Variants in USP32 observed in about 807,000 individuals in gnomAD.
USP32 encodes the protein ubiquitin specific peptidase 32, also known as ubiquitin carboxyl-terminal hydrolase 32.
USP32 carries 59 observed loss-of-function variants against 204.8 expected under a neutral mutation model. The observed-to-expected ratio is 0.29, with a 90% CI of 0.23 to 0.36. The LOEUF (loss-of-function observed/expected upper bound fraction) is 0.36, where lower values mean the gene tolerates loss of function less well. Ranked by LOEUF, USP32 falls within the 10% of genes least tolerant of loss-of-function variation. The pLI is 1.00. For synonymous variants in USP32, 517 were observed against 678.4 expected (o/e 0.76, Z 3.70); for missense variants, 1,160 against 1,946.4 (o/e 0.60, Z 7.60).
chr17:60,238,568 C>T (rs1321507088), intron 11 of USP32, among the ~76,000 whole-genome samples: 1 of 151,684 alleles, frequency 6.6e-6, no homozygotes, highest in African/African-American at 2.4e-5. Context: ...TTTGGGAGAC[C>T]GAGGCAGGCA....
intron 5 of USP32, among the ~76,000 whole-genome samples, chr17:60,281,410 C>T (rs930628035): frequency 2.6e-4 from 39 of 151,976 alleles, no homozygotes; most frequent in Admixed American, 2.6e-3. Flanking sequence ...CGGTAGCAGG[C>T]GCCTGTAATC....
rs1289689455 is a variant in USP32 at position 60,349,611 on chromosome 17, ATATATATATATAT to A, written c.59-4016_59-4004del. Among the ~76,000 whole-genome samples, 402 of 70,892 alleles carry A rather than the reference ATATATATATATAT, an allele frequency of 5.7e-3. 1 individual carries two copies. Among genetic ancestry groups the A allele is most frequent in the African/African-American group, 0.034 (287 of 8,396 alleles). 46.5% of individuals were successfully genotyped at this position (70,892 alleles called of 152,430 possible). A position where few individuals can be genotyped will look rare whatever the true frequency, so the allele number is the denominator to read the frequency against. On this transcript the variant is annotated intron_variant, in intron 1 of 33. Transcript: ENST00000300896. ...AAAAAAAAAAAATATATATATATAT[ATATATATATATAT>A]TATATATATATATATATATTATATA... is the stretch of plus-strand genomic sequence containing the variant.
At chr17:60,351,616 C>T (rs529370280) in intron 1 of USP32, among the ~76,000 whole-genome samples, 14 of 152,152 alleles carry the variant, frequency 9.2e-5, no homozygotes, top group South Asian at 6.2e-4. Context: ...TTAGTAGAGG[C>T]GGGGTTTCGC....
chr17:60,221,512 T>C (rs891718378), intron 15 of USP32, among the ~76,000 whole-genome samples: 1 of 151,648 alleles, frequency 6.6e-6, no homozygotes, highest in Non-Finnish European at 1.5e-5. Context: ...TTCTTTCTTT[T>C]TTTTTTTTTT....
At chr17:60,309,620 G>A (rs1414719626) in intron 2 of USP32, among the ~76,000 whole-genome samples, 1 of 152,042 alleles carries the variant, frequency 6.6e-6, no homozygotes, top group African/African-American at 2.4e-5. Flanking sequence ...AAAGAAATGG[G>A]CAAATGATCT....
chr17:60,222,788 T>C (rs1220603760), intron 14 of USP32, among the ~76,000 whole-genome samples: 2 of 151,504 alleles, frequency 1.3e-5, no homozygotes, highest in Admixed American at 6.6e-5. Context: ...TTCCAGTGAT[T>C]CTCCTGCCTC....
intron 1 of USP32, among the ~76,000 whole-genome samples, chr17:60,402,350 A>C (rs1222186735): frequency 6.6e-6 from 1 of 150,976 alleles, no homozygotes; most frequent in Non-Finnish European, 1.5e-5. Flanking sequence ...TCCCAGGCTC[A>C]AGTGATTCTC....
chr17:60,193,618 AGC>A (rs1467853339), intron 27 of USP32, among the ~76,000 whole-genome samples: 135 of 152,230 alleles, frequency 8.9e-4, no homozygotes, highest in African/African-American at 3.1e-3. Context: ...GGTTGCAGTG[AGC>A]TGAGTTCAAT....
intron 16 of USP32, among the ~76,000 whole-genome samples, chr17:60,218,170 G>A (rs140418995): frequency 0.04 from 6,023 of 152,170 alleles, 438 homozygotes; most frequent in African/African-American, 0.14. Flanking sequence ...GGATCACGAG[G>A]TCAGGAGATA....
chr17:60,185,626 T>C lies in USP32; in HGVS notation c.3668A>G (p.Glu1223Gly), dbSNP rs775680792. ...CTCGGCTTGCGCTCGCCGACTCTGC[T>C]CCACACTCTCATGCTCATCTACAAC... Reference protein sequence around the residue: ...ERVVDEHESVEQSRRAQAEPI... With the variant: ...ERVVDEHESVGQSRRAQAEPI... Residue 1223 changes from glutamate (E) to glycine (G), a missense_variant, in exon 30 of 34, where the codon GAG becomes GGG. By Grantham distance (98) the Glu-to-Gly change is moderately conservative (BLOSUM62 -2). Transcript: ENST00000300896. 4 of 1,611,756 alleles carry C rather than the reference T, an allele frequency of 2.5e-6. No homozygotes were observed. Among genetic ancestry groups the C allele is most frequent in the Non-Finnish European group, 3.4e-6 (4 of 1,179,710 alleles).
chr17:60,396,033 T>C (rs2089897830), upstream of USP32, among the ~76,000 whole-genome samples: 4 of 151,498 alleles, frequency 2.6e-5, no homozygotes, highest in Admixed American at 2.6e-4. Flanking sequence ...TGTGGTCACG[T>C]GTATTGTATT....
At chr17:60,197,507 G>C (rs1185415592) in intron 27 of USP32, among the ~76,000 whole-genome samples, 1 of 152,224 alleles carries the variant, frequency 6.6e-6, no homozygotes, top group African/African-American at 2.4e-5. Context: ...GGGAGGCTGA[G>C]GCAGGAGATT....
intron 1 of USP32, among the ~76,000 whole-genome samples, chr17:60,357,741 T>C (rs1239112035): frequency 6.6e-6 from 1 of 151,594 alleles, no homozygotes; most frequent in East Asian, 1.9e-4. Context: ...CAGTGAAGAG[T>C]ATTCATATTC....
intron 2 of USP32, among the ~76,000 whole-genome samples, chr17:60,342,927 G>C (rs2088695203): frequency 6.6e-6 from 1 of 152,154 alleles, no homozygotes; most frequent in Admixed American, 6.5e-5. Flanking sequence ...TCCGTGGGCT[G>C]CACCCATTGT....
intron 5 of USP32, among the ~76,000 whole-genome samples, chr17:60,276,562 G>A (rs896103840): frequency 5.9e-5 from 9 of 152,094 alleles, no homozygotes; most frequent in Non-Finnish European, 2.9e-5. Context: ...CAGTCTTGAC[G>A]ATAGAAACTG....
At chr17:60,370,990 G>A (rs945449146) in intron 1 of USP32, among the ~76,000 whole-genome samples, 1 of 151,714 alleles carries the variant, frequency 6.6e-6, no homozygotes, top group African/African-American at 2.4e-5. Flanking sequence ...CACTTTGAGA[G>A]GCCAAGGCTG....
chr17:60,256,048 T>C (rs1463729163), intron 9 of USP32, among the ~76,000 whole-genome samples: 1 of 151,922 alleles, frequency 6.6e-6, no homozygotes, highest in Non-Finnish European at 1.5e-5. Flanking sequence ...AGAGATTTAA[T>C]AGAAAAATCA....
intron 12 of USP32, among the ~76,000 whole-genome samples, chr17:60,234,364 T>C (rs1035131626): frequency 1.3e-5 from 2 of 150,288 alleles, no homozygotes; most frequent in Admixed American, 6.6e-5. Context: ...CCGCCCGCCT[T>C]GGCCTCCCAA....
chr17:60,417,186 G>A (rs1177690208), intron 1 of USP32, among the ~76,000 whole-genome samples: 1 of 151,928 alleles, frequency 6.6e-6, no homozygotes, highest in Non-Finnish European at 1.5e-5. Flanking sequence ...CCAAAGTGCT[G>A]GGATTACAGG....
Sources: allele counts gnomAD v4.1 joint callset (sites outside exome capture counted in the v4.1 genomes callset), GRCh38; gene constraint gnomAD v4.1.1; transcripts MANE v1.5; gene names NCBI Gene and HGNC (gene_info 2026-07-23, HGNC 2026-07-21).